COL18A1: variants seen among roughly 807,000 people sequenced by gnomAD.
COL18A1 encodes the protein collagen type XVIII alpha 1 chain, also known as collagen alpha-1(XVIII) chain.
A neutral mutation model predicts 168.0 loss-of-function variants in COL18A1; 133 were observed. The observed-to-expected ratio is 0.79, with a 90% CI of 0.69 to 0.91. The LOEUF (loss-of-function observed/expected upper bound fraction) is 0.91, where lower values mean the gene tolerates loss of function less well. Ranked by LOEUF, COL18A1 falls within the 40% of genes least tolerant of loss-of-function variation. The pLI, the probability that COL18A1 is intolerant of heterozygous loss-of-function variation, is 0.00. For missense variants in COL18A1, 2,126 were observed against 1,925.4 expected, an observed-to-expected ratio of 1.10 and a Z score of -1.95; for synonymous variants, 949 against 809.0, an observed-to-expected ratio of 1.17 and a Z score of -2.94.
rs368386723 is a variant in COL18A1, at chr21:45,504,139, G to A, written c.2727+85G>A. ...CTGCTCCCAATTTCTCGCCCCATCC[G>A]GCCCAAGCCCCCTTCCTGTTCAGCC... On this transcript the variant is annotated intron_variant, in intron 33 of 41. Coordinates refer to ENST00000651438, the MANE Select transcript of COL18A1 (RefSeq NM_001379500.1). 340 of 1,478,002 alleles carry A rather than the reference G, an allele frequency of 2.3e-4. 4 individuals are homozygous for A. In the South Asian group the frequency reaches 2.8e-3, roughly 12 times the overall value. 91.6% of individuals were successfully genotyped at this position (1,478,002 alleles called of 1,614,324 possible).
At chr21:45,450,339 C>A (rs185562146) in intron 2 of COL18A1, among the ~76,000 whole-genome samples, 1 of 152,304 alleles carries the variant, frequency 6.6e-6, no homozygotes, top group East Asian at 1.9e-4. Flanking sequence ...CCCCAGCCTT[C>A]AGGGTCGAGG....
At chr21:45,454,791 G>A (rs936151302) in intron 2 of COL18A1, among the ~76,000 whole-genome samples, 4 of 152,222 alleles carry the variant, frequency 2.6e-5, no homozygotes, top group Admixed American at 6.5e-5. Flanking sequence ...CAGTCTAACC[G>A]GATCCTTTTG....
chr21:45,503,670 A>C, intron 32 of COL18A1, among the ~76,000 whole-genome samples: 1 of 150,200 alleles, frequency 6.7e-6, no homozygotes, highest in Admixed American at 6.6e-5. Flanking sequence ...TAGCATTGGG[A>C]GATATACCTA....
intron 2 of COL18A1, among the ~76,000 whole-genome samples, chr21:45,430,272 G>A (rs543110759): frequency 1.7e-3 from 263 of 152,234 alleles, no homozygotes; most frequent in African/African-American, 5.6e-3. Context: ...TCTTTCTAGC[G>A]CCCTCTCGCC....
At chr21:45,465,514 G>T (rs974195658) in intron 2 of COL18A1, among the ~76,000 whole-genome samples, 1 of 152,198 alleles carries the variant, frequency 6.6e-6, no homozygotes, top group African/African-American at 2.4e-5. Flanking sequence ...TGATGGTGGC[G>T]CACTCTTCAA....
intron 2 of COL18A1, chr21:45,456,377 T>C (rs994732533): frequency 1.9e-6 from 3 of 1,549,698 alleles, no homozygotes; most frequent in Admixed American, 2.0e-5. Context: ...CGCCTTCTCC[T>C]CTGGGCTCCC....
At chr21:45,441,986 G>A (rs1360960304) in intron 2 of COL18A1, among the ~76,000 whole-genome samples, 1 of 152,230 alleles carries the variant, frequency 6.6e-6, no homozygotes, top group Non-Finnish European at 1.5e-5. Context: ...TCCAGGGAGA[G>A]GACTGTGCAT....
chr21:45,490,891 G>A lies in COL18A1; in HGVS notation c.2067+20G>A. On this transcript the variant is annotated intron_variant, in intron 21 of 41. Coordinates refer to ENST00000651438, the MANE Select transcript of COL18A1 (RefSeq NM_001379500.1). ...GAAAAGGTGAGTGTCCCTGGGGCGG[G>A]TGGATGGGGATGGGGGGCGCTGGGA... The A allele has an allele frequency of 1.3e-6, 2 of 1,548,964 alleles. No individual in the cohort carries two copies. Among genetic ancestry groups the A allele is most frequent in the South Asian group, 1.2e-5 (1 of 84,020 alleles).
intron 2 of COL18A1, chr21:45,420,471 G>A (rs551176013): frequency 6.6e-6 from 1 of 152,340 alleles, no homozygotes; most frequent in East Asian, 1.9e-4. Context: ...CCCCCACGCA[G>A]GTAGTGGGCT....
At position 45,405,439 on chromosome 21, in the gene COL18A1, G is replaced by C; in HGVS notation, c.72G>C (p.Leu24=). 1 of 1,377,412 alleles carries C rather than the reference G, an allele frequency of 7.3e-7. No homozygotes were observed. Among genetic ancestry groups the C allele is most frequent in the Non-Finnish European group, 9.5e-7 (1 of 1,057,502 alleles). The allele number at this position is 1,377,412 out of a possible 1,614,324, so 85.3% of individuals were successfully genotyped here. ...RLLDVLAPLV[L]LLGVRAASAE... is the part of the protein sequence containing the mutation. ...TGGACGTGCTCGCGCCCCTGGTCCT[G>C]CTGCTCGGGGTCCGCGCGGCCTCCG... Residue 24 remains leucine (L), a synonymous_variant, in exon 2 of 42, where the codon CTG becomes CTC. Coordinates refer to ENST00000651438, the MANE Select transcript of COL18A1 (RefSeq NM_001379500.1).
intron 32 of COL18A1, among the ~76,000 whole-genome samples, chr21:45,499,067 C>T (rs1232667694): frequency 6.6e-6 from 1 of 152,172 alleles, no homozygotes; most frequent in Non-Finnish European, 1.5e-5. Flanking sequence ...GAGCATTCCC[C>T]TCATTCGAAG....
At chr21:45,477,622 T>C in intron 7 of COL18A1, 128 bp from the exon 8 acceptor site, 1 of 1,253,924 alleles carries the variant, frequency 8.0e-7, no homozygotes, top group Non-Finnish European at 1.1e-6. Context: ...GGTGCCAGCA[T>C]GCGTCCACCC....
At chr21:45,475,318 C>T (rs535652344) in intron 4 of COL18A1, among the ~76,000 whole-genome samples, 158 bp from the exon 5 acceptor site, 136 of 152,358 alleles carry the variant, frequency 8.9e-4, no homozygotes, top group African/African-American at 3.0e-3. Flanking sequence ...CCAGCGTGCC[C>T]ACCCCAGCGG....
chr21:45,478,084 GC>G, intron 8 of COL18A1, 119 bp downstream of exon 8: 1 of 734,676 alleles, frequency 1.4e-6, no homozygotes, highest in Admixed American at 2.2e-5. Flanking sequence ...CAGGTCAGCA[GC>G]CTCCTTAGGC....
chr21:45,494,849 C>G lies in COL18A1; in HGVS notation c.2380-13C>G. The stretch of plus-strand genomic sequence containing the variant: ...GGTCTGCCCCACTAAGCCTGGCCCC[C>G]TTCCTCTTGCAGGGTCCATACGGAC... On this transcript the variant is annotated splice_polypyrimidine_tract_variant and intron_variant, in intron 27 of 41. Transcript: ENST00000651438. The G allele has an allele frequency of 1.2e-6, 2 of 1,605,736 alleles. No homozygotes were observed. The highest frequency in any genetic ancestry group is 1.7e-6 in the Non-Finnish European group (2 of 1,176,594).
At chr21:45,428,585 T>A (rs1205588491) in intron 2 of COL18A1, among the ~76,000 whole-genome samples, 2 of 152,198 alleles carry the variant, frequency 1.3e-5, no homozygotes, top group African/African-American at 2.4e-5. Flanking sequence ...CTCTAGAACA[T>A]TCACACGCCG....
chr21:45,466,587 C>G (rs1246513902), intron 2 of COL18A1, among the ~76,000 whole-genome samples: 1 of 152,202 alleles, frequency 6.6e-6, no homozygotes, highest in Non-Finnish European at 1.5e-5. Context: ...GGAGTGGAGG[C>G]TGCGCCATTC....
chr21:45,494,248 T>TTCCCCCCCC, intron 26 of COL18A1: 3 of 472,536 alleles, frequency 6.3e-6, no homozygotes, highest in Non-Finnish European at 1.2e-5. Context: ...GCACATGCCC[T>TTCCCCCCCC]CCACCCTCCA....
rs1383466119 is a variant in COL18A1 at position 45,513,499 on chromosome 21, G to C, written c.*1101G>C. 1 of 152,168 alleles carries C rather than the reference G, an allele frequency of 6.6e-6. No homozygotes were observed. Among genetic ancestry groups the C allele is most frequent in the East Asian group, 1.9e-4 (1 of 5,162 alleles). 9.4% of individuals were successfully genotyped at this position (152,168 alleles called of 1,614,324 possible). A position where few individuals can be genotyped will look rare whatever the true frequency, so the allele number is the denominator to read the frequency against. The stretch of plus-strand genomic sequence containing the variant: ...ACAAAGCAGCCACGAGGTGCAACAA[G>C]GTCCTCTGTCAGTCACAGCCACCCC... On this transcript the variant is annotated 3_prime_UTR_variant, in exon 42 of 42. Coordinates refer to ENST00000651438, the MANE Select transcript of COL18A1 (RefSeq NM_001379500.1).
Sources: allele counts gnomAD v4.1 joint callset (sites outside exome capture counted in the v4.1 genomes callset), GRCh38; gene constraint gnomAD v4.1.1; transcripts MANE v1.5; gene names NCBI Gene and HGNC (gene_info 2026-07-23, HGNC 2026-07-21).